Variants in SLC9A9 observed in about 807,000 individuals in gnomAD.
The protein encoded by SLC9A9 is sodium/hydrogen exchanger 9.
In SLC9A9, 62 loss-of-function variants were observed where a neutral mutation model predicts 77.8. The observed-to-expected ratio is 0.80, with a 90% confidence interval of 0.65 to 0.98. The LOEUF (loss-of-function observed/expected upper bound fraction) is 0.98. Ranked by LOEUF, SLC9A9 falls within the 50% of genes least tolerant of loss-of-function variation. SLC9A9 has a pLI of 0.00. For synonymous variants in SLC9A9, 320 were observed against 283.5 expected (o/e 1.13, Z -1.29); for missense variants, 775 against 774.9 (o/e 1.00, Z 0.00).
chr3:143,576,079 C>G (rs2037353151), intron 7 of SLC9A9, among the ~76,000 whole-genome samples: 1 of 152,210 alleles, frequency 6.6e-6, no homozygotes, highest in African/African-American at 2.4e-5. Flanking sequence ...TATGTTACAC[C>G]TTCCCCTCAC....
rs570435076 is a variant in SLC9A9 at position 143,626,093 on chromosome 3, G to A, written c.755+26162C>T. 2.0e-4 allele frequency among the ~76,000 whole-genome samples: 30 copies of A among 152,272 alleles called. No individual in the cohort carries two copies. In the East Asian group the frequency reaches 2.9e-3, roughly 15 times the overall value. ...ACCATCTCACACCAGTTGGAATGGCGATCATTAAAAAGTCAGGAAACAACA... is the reference window on the plus strand; with the variant it reads ...ACCATCTCACACCAGTTGGAATGGCAATCATTAAAAAGTCAGGAAACAACA... On this transcript the variant is annotated intron_variant, in intron 6 of 15. Transcript: ENST00000316549.
At chr3:143,787,934 A>G (rs2008101742) in intron 4 of SLC9A9, among the ~76,000 whole-genome samples, 1 of 152,018 alleles carries the variant, frequency 6.6e-6, no homozygotes, top group Non-Finnish European at 1.5e-5. Context: ...GTAATAACAG[A>G]CAAGGTACTC....
At chr3:143,577,328 C>T (rs2037375469) in intron 7 of SLC9A9, among the ~76,000 whole-genome samples, 1 of 152,216 alleles carries the variant, frequency 6.6e-6, no homozygotes, top group Non-Finnish European at 1.5e-5. Context: ...ATTGGTCCCA[C>T]TGCCATACCT....
chr3:143,364,235 A>AG, intron 13 of SLC9A9, among the ~76,000 whole-genome samples: 1 of 152,212 alleles, frequency 6.6e-6, no homozygotes, highest in Admixed American at 6.5e-5. Context: ...GAAAAAAAAA[A>AG]AGGAAAGAAA....
At chr3:143,835,909 C>G (rs996693748) in intron 1 of SLC9A9, among the ~76,000 whole-genome samples, 1 of 152,214 alleles carries the variant, frequency 6.6e-6, no homozygotes, top group South Asian at 2.1e-4. Context: ...TCTCTGAGAT[C>G]TGTCCCCTGG....
chr3:143,440,801 T>G (rs1418805086), intron 12 of SLC9A9, among the ~76,000 whole-genome samples: 1 of 152,198 alleles, frequency 6.6e-6, no homozygotes, highest in Non-Finnish European at 1.5e-5. Flanking sequence ...ACTGAAGCCG[T>G]TTAAATATAT....
At chr3:143,552,477 A>G (rs759142185) in intron 8 of SLC9A9, 27 bp from the exon 9 acceptor site, 84 of 1,601,552 alleles carry the variant, frequency 5.2e-5, no homozygotes, top group Non-Finnish European at 7.0e-5. Context: ...AGATCAGTCA[A>G]AACCAATTTT....
intron 6 of SLC9A9, among the ~76,000 whole-genome samples, chr3:143,638,145 T>G (rs536298501): frequency 1.3e-5 from 2 of 152,216 alleles, no homozygotes; most frequent in South Asian, 2.1e-4. Context: ...CGGGTGAGAA[T>G]GGGAATGGGG....
chr3:143,305,939 A>G (rs2030761071), intron 14 of SLC9A9, among the ~76,000 whole-genome samples: 1 of 152,198 alleles, frequency 6.6e-6, no homozygotes, highest in Non-Finnish European at 1.5e-5. Context: ...TTATTTGCCA[A>G]TGGACAAAAC....
intron 4 of SLC9A9, among the ~76,000 whole-genome samples, chr3:143,790,527 G>A (rs1284876564): frequency 6.6e-6 from 1 of 152,144 alleles, no homozygotes; most frequent in Non-Finnish European, 1.5e-5. Context: ...CCCATTTCAT[G>A]CAATACTGCA....
rs546008067 is a variant in SLC9A9, at chr3:143,653,882, T to C, written c.650-1522A>G. The stretch of plus-strand genomic sequence containing the variant: ...ATACCTCACTGGTTTTCATCTTCTC[T>C]GTGTGCCACAAGCCCTTAGCACAGT... On this transcript the variant is annotated intron_variant, in intron 5 of 15. Coordinates refer to ENST00000316549, the MANE Select transcript of SLC9A9 (RefSeq NM_173653.4). Among the ~76,000 whole-genome samples, 3 of 152,338 alleles carry C rather than the reference T, an allele frequency of 2.0e-5. No individual in the cohort carries two copies. The East Asian group carries it at 5.8e-4, about 29-fold the overall frequency.
intron 4 of SLC9A9, among the ~76,000 whole-genome samples, chr3:143,773,868 C>T (rs969773415): frequency 1.2e-4 from 18 of 152,100 alleles, no homozygotes; most frequent in Non-Finnish European, 2.9e-5. Flanking sequence ...GTGGTACAAG[C>T]CATTTCCAGT....
intron 6 of SLC9A9, among the ~76,000 whole-genome samples, chr3:143,621,352 GGGAGGCACCC>G (rs1277079200): frequency 8.5e-5 from 13 of 152,176 alleles, no homozygotes; most frequent in Non-Finnish European, 1.5e-5. Flanking sequence ...TAGCCTAACT[GGGAGGCACCC>G]CCCAGTAGGG....
intron 14 of SLC9A9, among the ~76,000 whole-genome samples, chr3:143,343,885 T>C (rs1045585535): frequency 5.3e-5 from 8 of 152,190 alleles, no homozygotes; most frequent in Non-Finnish European, 1.0e-4. Context: ...TAGTGATCAA[T>C]GGTCTAACCA....
In SLC9A9 at chr3:143,490,102, A is replaced by T. The variant is rs189240756; in HGVS notation, c.1315+3551T>A. ...TAAAATGGTAAAGTTACATTAAAAC[A>T]CAGTATGGCAGCTTCTCAAAACATT... is the stretch of plus-strand genomic sequence containing the variant. On this transcript the variant is annotated intron_variant, in intron 11 of 15. Coordinates refer to ENST00000316549, the MANE Select transcript of SLC9A9 (RefSeq NM_173653.4). 2.1e-3 allele frequency among the ~76,000 whole-genome samples: 318 copies of T among 152,276 alleles called. 1 individual carries two copies. The highest frequency in any genetic ancestry group is 3.4e-3 in the Middle Eastern group (1 of 294).
chr3:143,557,892 A>G (rs1490140415), intron 8 of SLC9A9, among the ~76,000 whole-genome samples: 3 of 152,236 alleles, frequency 2.0e-5, no homozygotes, highest in Non-Finnish European at 4.4e-5. Context: ...GAAATTCAAG[A>G]CCATTGCAAA....
At chr3:143,585,631 A>G (rs1047401505) in intron 6 of SLC9A9, among the ~76,000 whole-genome samples, 6 of 152,152 alleles carry the variant, frequency 3.9e-5, no homozygotes, top group African/African-American at 1.4e-4. Context: ...TTCTAAATTG[A>G]CTGAGACCTG....
intron 5 of SLC9A9, among the ~76,000 whole-genome samples, chr3:143,664,241 G>T (rs1320047672): frequency 6.6e-6 from 1 of 152,180 alleles, no homozygotes; most frequent in Non-Finnish European, 1.5e-5. Context: ...AGCTTCATAA[G>T]TGAAGGAGAA....
intron 9 of SLC9A9, among the ~76,000 whole-genome samples, chr3:143,526,462 C>G (rs1249310189): frequency 6.6e-6 from 1 of 152,170 alleles, no homozygotes; most frequent in African/African-American, 2.4e-5. Flanking sequence ...AGCTAATATA[C>G]TTACTTCCTA....
Sources: allele counts gnomAD v4.1 joint callset (sites outside exome capture counted in the v4.1 genomes callset), GRCh38; gene constraint gnomAD v4.1.1; transcripts MANE v1.5; gene names NCBI Gene and HGNC (gene_info 2026-07-23, HGNC 2026-07-21).